Variants in DLGAP1 observed in about 807,000 individuals in gnomAD.
DLGAP1 encodes disks large-associated protein 1.
In DLGAP1, 11 loss-of-function variants were observed where a neutral mutation model predicts 90.8. The ratio of observed to expected loss-of-function variants is 0.12; its 90% CI spans 0.08 to 0.20. The LOEUF (loss-of-function observed/expected upper bound fraction) is 0.20, where lower values mean the gene tolerates loss of function less well. DLGAP1 is among the 10% of genes least tolerant of loss of function. The probability of loss-of-function intolerance (pLI) is 1.00; values close to 1 mark genes in which losing one functional copy is unlikely to be tolerated. For missense variants in DLGAP1, 1,050 were observed against 1,333.8 expected (o/e 0.79, Z 3.31); for synonymous variants, 558 against 540.7 (o/e 1.03, Z -0.44).
rs541261203 is a variant in DLGAP1 at position 4,286,749 on chromosome 18, C to G, written c.-266-135462G>C. Among the ~76,000 whole-genome samples, 17 of 152,166 alleles carry G rather than the reference C, an allele frequency of 1.1e-4. No individual in the cohort carries two copies. In the East Asian group the frequency reaches 2.1e-3, roughly 19 times the overall value. ...CCTCTGCCTTATCAGGACTCACATT[C>G]TCAGGAAGGTTACAGAAAATAAGCA... is the stretch of plus-strand genomic sequence containing the variant. On this transcript the variant is annotated intron_variant, in intron 1 of 12. Transcript: ENST00000315677.
At chr18:4,376,147 G>A (rs2082010068) in intron 1 of DLGAP1, among the ~76,000 whole-genome samples, 1 of 152,062 alleles carries the variant, frequency 6.6e-6, no homozygotes, top group Admixed American at 6.6e-5. Flanking sequence ...AATAATGCTT[G>A]GCATCTATAA....
At chr18:3,522,304 T>G (rs1005017714) in intron 10 of DLGAP1, among the ~76,000 whole-genome samples, 8 of 151,604 alleles carry the variant, frequency 5.3e-5, no homozygotes, top group Non-Finnish European at 1.0e-4. Context: ...GCCCAGCTAA[T>G]TTTTGTATTT....
chr18:3,874,721 C>G (rs555388755), intron 4 of DLGAP1: 1 of 1,528,096 alleles, frequency 6.5e-7, no homozygotes, highest in Admixed American at 2.0e-5. Context: ...CTGCTCCCAA[C>G]CCTAATACAG....
Position 4,234,103 on chromosome 18 carries a change from AT to A in DLGAP1, c.-266-82817del, listed in dbSNP as rs200080373. On this transcript the variant is annotated intron_variant, in intron 1 of 12. Coordinates refer to ENST00000315677, the MANE Select transcript of DLGAP1 (RefSeq NM_004746.4). ...AGCCATGTAAAGTTTCTTTTTTGCT[AT>A]TTTTTTTTTTTTTTTAGTTTCTTGG... 4.1e-3 allele frequency among the ~76,000 whole-genome samples: 571 copies of A among 138,638 alleles called. 1 individual carries two copies. The highest frequency in any genetic ancestry group is 4.4e-3 in the South Asian group (19 of 4,354). 91.0% of individuals were successfully genotyped at this position (138,638 alleles called of 152,430 possible).
chr18:4,363,787 A>C (rs1199338873), intron 1 of DLGAP1, among the ~76,000 whole-genome samples: 1 of 152,180 alleles, frequency 6.6e-6, no homozygotes, highest in East Asian at 1.9e-4. Context: ...GAGAAATAGG[A>C]ACACTTTTAC....
chr18:3,883,292 A>G (rs2071228804), intron 3 of DLGAP1, among the ~76,000 whole-genome samples: 1 of 152,284 alleles, frequency 6.6e-6, no homozygotes, highest in East Asian at 1.9e-4. Flanking sequence ...TAAAACACCC[A>G]CACTGGACCT....
At chr18:4,011,114 T>G (rs2074410311) in intron 2 of DLGAP1, among the ~76,000 whole-genome samples, 1 of 146,154 alleles carries the variant, frequency 6.8e-6, no homozygotes, top group Non-Finnish European at 1.5e-5. Flanking sequence ...AGATGGAGGT[T>G]GTAGTGAGCC....
At chr18:4,215,666 C>T (rs549186469) in intron 1 of DLGAP1, among the ~76,000 whole-genome samples, 2 of 152,172 alleles carry the variant, frequency 1.3e-5, no homozygotes, top group East Asian at 3.9e-4. Context: ...TGTCCAAAAG[C>T]GAATCAGCAT....
At chr18:4,298,744 G>T (rs2080046636) in intron 1 of DLGAP1, among the ~76,000 whole-genome samples, 1 of 150,328 alleles carries the variant, frequency 6.7e-6, no homozygotes, top group Non-Finnish European at 1.5e-5. Flanking sequence ...TGCACAATGT[G>T]CACATGTACC....
chr18:3,919,170 A>G (rs2072212520), intron 3 of DLGAP1, among the ~76,000 whole-genome samples: 1 of 152,186 alleles, frequency 6.6e-6, no homozygotes, highest in Admixed American at 6.5e-5. Context: ...ATTTTGGGTA[A>G]TTTTAATCTC....
chr18:4,249,037 C>T (rs2078718492), intron 1 of DLGAP1, among the ~76,000 whole-genome samples: 1 of 152,234 alleles, frequency 6.6e-6, no homozygotes, highest in Non-Finnish European at 1.5e-5. Context: ...GCAAATATGC[C>T]TTGCTCAGCG....
At chr18:4,346,835 T>C (rs1199348129) in intron 1 of DLGAP1, among the ~76,000 whole-genome samples, 3 of 152,076 alleles carry the variant, frequency 2.0e-5, no homozygotes, top group African/African-American at 4.8e-5. Context: ...AATAATTGCA[T>C]ATAGGAGGAA....
At chr18:3,789,968 C>A (rs1385036572) in intron 5 of DLGAP1, among the ~76,000 whole-genome samples, 3 of 152,156 alleles carry the variant, frequency 2.0e-5, no homozygotes, top group African/African-American at 7.2e-5. Flanking sequence ...ATTTCAGAGT[C>A]AAAGAAAATT....
intron 2 of DLGAP1, among the ~76,000 whole-genome samples, chr18:4,052,800 G>A (rs1274119962): frequency 6.6e-6 from 1 of 152,042 alleles, no homozygotes; most frequent in Non-Finnish European, 1.5e-5. Flanking sequence ...TCTTTCCCCA[G>A]ATATCCCATA....
rs1310351674 is a variant in DLGAP1, at chr18:4,151,260, C to G, written c.-239G>C. On this transcript the variant is annotated 5_prime_UTR_variant, in exon 2 of 13. Coordinates refer to ENST00000315677, the MANE Select transcript of DLGAP1 (RefSeq NM_004746.4). ...TGCAGGCTTTTTTTTAACCTGATGT[C>G]ACTCTGGGTATCTGATGTTCAACTG... The G allele has an allele frequency of 6.6e-6, 1 of 152,126 alleles. No homozygotes were observed. Among genetic ancestry groups the G allele is most frequent in the Admixed American group, 6.5e-5 (1 of 15,268 alleles). The allele number at this position is 152,126 out of a possible 1,614,324, so 9.4% of individuals were successfully genotyped here.
chr18:4,078,368 T>C (rs943464335), intron 2 of DLGAP1, among the ~76,000 whole-genome samples: 1 of 152,138 alleles, frequency 6.6e-6, no homozygotes, highest in African/African-American at 2.4e-5. Context: ...TATATTTAAA[T>C]AGAAATCACC....
chr18:3,572,679 ATC>A (rs1324722137), intron 8 of DLGAP1, among the ~76,000 whole-genome samples: 3 of 152,238 alleles, frequency 2.0e-5, no homozygotes, highest in African/African-American at 7.2e-5. Flanking sequence ...CAAACTCCTG[ATC>A]TCAAGTGATC....
chr18:3,651,628 A>G (rs1196847831), intron 7 of DLGAP1, among the ~76,000 whole-genome samples: 1 of 151,992 alleles, frequency 6.6e-6, no homozygotes, highest in East Asian at 1.9e-4. Flanking sequence ...CCCCGTCTCC[A>G]CTAAAAATAC....
At chr18:4,292,688 C>T (rs910618590) in intron 1 of DLGAP1, among the ~76,000 whole-genome samples, 14 of 152,062 alleles carry the variant, frequency 9.2e-5, no homozygotes, top group Non-Finnish European at 1.5e-5. Flanking sequence ...AATACATACA[C>T]ATACAAACTA....
Sources: gnomAD v4.1 joint callset for allele counts (sites outside exome capture counted in the v4.1 genomes callset) on GRCh38, gnomAD v4.1.1 for gene constraint, MANE v1.5 for transcripts, NCBI Gene and HGNC (gene_info 2026-07-23, HGNC 2026-07-21) for gene names.